ENAH: variants seen among roughly 807,000 people sequenced by gnomAD.
The protein encoded by ENAH is ENAH actin regulator.
A neutral mutation model predicts 78.7 loss-of-function variants in ENAH; 23 were observed. That is an observed-to-expected ratio of 0.29 (90% CI 0.21 to 0.41). ENAH has a LOEUF of 0.41. ENAH is among the 10% of genes least tolerant of loss of function. The pLI is 1.00. For missense variants in ENAH, 544 were observed against 691.0 expected (o/e 0.79, Z 2.39); for synonymous variants, 226 against 241.0 (o/e 0.94, Z 0.58).
intron 1 of ENAH, among the ~76,000 whole-genome samples, chr1:225,610,064 A>T (rs2096980126): frequency 6.6e-6 from 1 of 151,882 alleles, no homozygotes; most frequent in African/African-American, 2.4e-5. Context: ...TCATGCTCTA[A>T]TTTTTTAAAA....
At chr1:225,639,709 C>CACACACACACACACAA (rs1388066109) in intron 1 of ENAH, among the ~76,000 whole-genome samples, 2 of 139,990 alleles carry the variant, frequency 1.4e-5, no homozygotes, top group African/African-American at 6.0e-5. Context: ...GGATTAAACA[C>CACACACACACACACAA]ACACACACAC....
Position 225,495,717 on chromosome 1 carries a change from A to G in ENAH, c.*2058T>C, listed in dbSNP as rs541301701. 6.6e-5 allele frequency: 10 copies of G among 152,660 alleles called. No individual in the cohort carries two copies. In the East Asian group the frequency reaches 1.7e-3, roughly 26 times the overall value. 9.5% of individuals were successfully genotyped at this position (152,660 alleles called of 1,614,324 possible). A position where few individuals can be genotyped will look rare whatever the true frequency, so the allele number is the denominator to read the frequency against. On this transcript the variant is annotated 3_prime_UTR_variant, in exon 14 of 14. Transcript: ENST00000366843. ...TATTATCAAAGTGTTTGCATAACCAAAAGTACAATAATAAAGATGAAAATG... is the reference window on the plus strand; with the variant it reads ...TATTATCAAAGTGTTTGCATAACCAGAAGTACAATAATAAAGATGAAAATG...
At position 225,492,645 on chromosome 1, in the gene ENAH, A is replaced by C. The variant is rs866334868; in HGVS notation, c.*5130T>G. 6.6e-6 allele frequency: 1 copy of C among 152,204 alleles called. No individual in the cohort carries two copies. Among genetic ancestry groups the C allele is most frequent in the African/African-American group, 2.4e-5 (1 of 41,446 alleles). The allele number at this position is 152,204 out of a possible 1,614,324, so 9.4% of individuals were successfully genotyped here. ...TCATCTTTGATTTTTTCTGCATGTT[A>C]ATCTGCAAATACTCAAGGCCTACTA... is the stretch of plus-strand genomic sequence containing the variant. On this transcript the variant is annotated 3_prime_UTR_variant, in exon 14 of 14. Coordinates refer to ENST00000366843, the MANE Select transcript of ENAH (RefSeq NM_018212.6).
At chr1:225,635,541 T>C (rs552545724) in intron 1 of ENAH, among the ~76,000 whole-genome samples, 12 of 152,340 alleles carry the variant, frequency 7.9e-5, no homozygotes, top group Admixed American at 2.6e-4. Flanking sequence ...CTGAGACAAT[T>C]AGTTCATCTG....
At chr1:225,599,796 T>TA (rs34052384) in intron 1 of ENAH, among the ~76,000 whole-genome samples, 12,903 of 82,836 alleles carry the variant, frequency 0.16, 1,652 homozygotes, top group African/African-American at 0.36. Context: ...GACTCCGTCT[T>TA]AAAAAAAAAA....
intron 3 of ENAH, among the ~76,000 whole-genome samples, chr1:225,532,810 T>C (rs1051295264): frequency 6.6e-6 from 1 of 152,114 alleles, no homozygotes; most frequent in African/African-American, 2.4e-5. Flanking sequence ...GTGGCTGTTA[T>C]CATAATTATA....
intron 1 of ENAH, among the ~76,000 whole-genome samples, chr1:225,630,992 G>T (rs185106333): frequency 6.6e-6 from 1 of 152,252 alleles, no homozygotes; most frequent in East Asian, 1.9e-4. Flanking sequence ...AGTAAGTACA[G>T]AAAGACTTCA....
At chr1:225,558,418 T>C (rs943146230) in intron 2 of ENAH, among the ~76,000 whole-genome samples, 16 of 152,160 alleles carry the variant, frequency 1.1e-4, no homozygotes, top group African/African-American at 3.6e-4. Flanking sequence ...TTCGTAGGAA[T>C]TTCTACATCT....
intron 2 of ENAH, among the ~76,000 whole-genome samples, chr1:225,560,857 A>G (rs150377310): frequency 4.3e-4 from 65 of 152,384 alleles, no homozygotes; most frequent in African/African-American, 1.4e-3. Flanking sequence ...TCAATTGTTC[A>G]TAACAGAATG....
At chr1:225,533,182 T>A (rs1182134844) in intron 3 of ENAH, among the ~76,000 whole-genome samples, 1 of 152,118 alleles carries the variant, frequency 6.6e-6, no homozygotes, top group Non-Finnish European at 1.5e-5. Flanking sequence ...CAGGTAAATA[T>A]AAATTTAAGG....
chr1:225,506,019 GGA>G (rs1405564018), intron 11 of ENAH, among the ~76,000 whole-genome samples: 3 of 151,910 alleles, frequency 2.0e-5, no homozygotes, highest in Admixed American at 1.3e-4. Context: ...CCTGGAATTA[GGA>G]AAAATAAAAA....
rs575718619 is a variant in ENAH, at chr1:225,652,725, G to C, written c.-35C>G. On this transcript the variant is annotated 5_prime_UTR_variant, in exon 1 of 14. Coordinates refer to ENST00000366843, the MANE Select transcript of ENAH (RefSeq NM_018212.6). ...GGCGCAGAGGCTTCCCCACCAGCCG[G>C]GAGACGCAGAAGGCGCCGAGCCGAG... 7.6e-7 allele frequency: 1 copy of C among 1,317,628 alleles called. No homozygotes were observed. The highest frequency in any genetic ancestry group is 2.2e-5 in the South Asian group (1 of 45,980). 81.6% of individuals were successfully genotyped at this position (1,317,628 alleles called of 1,614,324 possible).
chr1:225,554,111 ATATT>A (rs1436771007), intron 3 of ENAH, among the ~76,000 whole-genome samples: 1 of 152,190 alleles, frequency 6.6e-6, no homozygotes, highest in Admixed American at 6.5e-5. Flanking sequence ...CTTAAAATAT[ATATT>A]GTTTACAGTA....
At chr1:225,615,749 G>A (rs1426804887) in intron 1 of ENAH, among the ~76,000 whole-genome samples, 10 of 151,824 alleles carry the variant, frequency 6.6e-5, no homozygotes, top group Non-Finnish European at 1.5e-4. Context: ...CGTCTGGGAG[G>A]TGAGGAGCGT....
intron 4 of ENAH, among the ~76,000 whole-genome samples, chr1:225,524,249 T>C (rs2096489562): frequency 6.6e-6 from 1 of 152,192 alleles, no homozygotes; most frequent in African/African-American, 2.4e-5. Context: ...TTAGTTTATG[T>C]TGACTCAAAG....
chr1:225,630,453 T>C (rs1033109917), intron 1 of ENAH, among the ~76,000 whole-genome samples: 3 of 152,194 alleles, frequency 2.0e-5, no homozygotes, highest in African/African-American at 4.8e-5. Flanking sequence ...CTTACGAAGA[T>C]TAAACGAATT....
chr1:225,547,661 C>G (rs1428227493), intron 3 of ENAH, among the ~76,000 whole-genome samples: 2 of 152,178 alleles, frequency 1.3e-5, no homozygotes, highest in Non-Finnish European at 2.9e-5. Context: ...ACCCAAAGGT[C>G]TCAAACGCCC....
chr1:225,582,830 T>G (rs1558854875), intron 1 of ENAH, among the ~76,000 whole-genome samples: 1 of 152,170 alleles, frequency 6.6e-6, no homozygotes, highest in Non-Finnish European at 1.5e-5. Context: ...CATATTAATA[T>G]GTGTAAGAGT....
chr1:225,606,799 C>T (rs1218928597), intron 1 of ENAH, among the ~76,000 whole-genome samples: 3 of 128,892 alleles, frequency 2.3e-5, no homozygotes, highest in Non-Finnish European at 3.1e-5. Context: ...GCCAACATAA[C>T]ACCACTACAC....
Sources: gnomAD v4.1 joint callset for allele counts (sites outside exome capture counted in the v4.1 genomes callset) on GRCh38, gnomAD v4.1.1 for gene constraint, MANE v1.5 for transcripts, NCBI Gene and HGNC (gene_info 2026-07-23, HGNC 2026-07-21) for gene names.